Variants in PARD3 observed in about 807,000 individuals in gnomAD.
PARD3 encodes the protein par-3 family cell polarity regulator, also known as partitioning defective 3 homolog.
Under a neutral mutation model 155.4 loss-of-function variants are expected in PARD3, and 75 were observed. The ratio of observed to expected loss-of-function variants is 0.48; its 90% confidence interval spans 0.40 to 0.58. The LOEUF is 0.58. PARD3 is among the 20% of genes least tolerant of loss of function. PARD3 has a pLI of 0.00. For missense variants in PARD3, 1,642 were observed against 1,721.7 expected, an observed-to-expected ratio of 0.95 and a Z score of 0.82; for synonymous variants, 576 against 610.5, an observed-to-expected ratio of 0.94 and a Z score of 0.83.
intron 3 of PARD3, among the ~76,000 whole-genome samples, chr10:34,515,206 C>T (rs748836272): frequency 1.3e-5 from 2 of 152,172 alleles, no homozygotes; most frequent in Non-Finnish European, 1.5e-5. Context: ...TTTGTATACG[C>T]TGTATGGTAC....
At chr10:34,416,532 A>G (rs954515075) in intron 5 of PARD3, among the ~76,000 whole-genome samples, 3 of 152,198 alleles carry the variant, frequency 2.0e-5, no homozygotes, top group Admixed American at 2.0e-4. Context: ...TTAAGCACCT[A>G]TCAGGGCCAG....
Position 34,269,808 on chromosome 10 carries a change from C to T in PARD3, c.3268G>A (p.Asp1090Asn). Residue 1090 changes from aspartate to asparagine, a missense_variant, in exon 22 of 25, where the codon GAT becomes AAT. By Grantham distance (23) the Asp-to-Asn change is conservative. This residue lies in a region of PARD3 where 1,529 missense variants were observed against 1,587.3 expected (regional missense o/e 0.96). Coordinates refer to ENST00000374788, the MANE Select transcript of PARD3 (RefSeq NM_001184785.2). ...IQDFHRTFGC[D>N]DELMYGGVSS... ...ACTCCCCCATACATTAACTCATCAT[C>T]ACAGCCAAATGTCCGATGAAAATCT... The T allele has an allele frequency of 6.2e-7, 1 of 1,614,012 alleles. No individual in the cohort carries two copies. The highest frequency in any genetic ancestry group is 1.7e-5 in the Admixed American group (1 of 59,988).
At chr10:34,497,749 A>C (rs1564781187) in intron 3 of PARD3, among the ~76,000 whole-genome samples, 1 of 152,232 alleles carries the variant, frequency 6.6e-6, no homozygotes, top group Admixed American at 6.5e-5. Context: ...ATGAAATTTA[A>C]CAAGATGATC....
intron 3 of PARD3, among the ~76,000 whole-genome samples, chr10:34,516,108 GCAACC>G (rs2081737752): frequency 1.3e-5 from 2 of 152,114 alleles, no homozygotes; most frequent in South Asian, 2.1e-4. Flanking sequence ...GGGATTACAG[GCAACC>G]GCCACCACGC....
At chr10:34,484,517 T>TTTG (rs774789433) in intron 3 of PARD3, among the ~76,000 whole-genome samples, 4 of 152,264 alleles carry the variant, frequency 2.6e-5, no homozygotes, top group African/African-American at 7.2e-5. Flanking sequence ...TAACATAGTT[T>TTTG]TTGTTGTTGT....
intron 5 of PARD3, among the ~76,000 whole-genome samples, chr10:34,447,954 T>C (rs2076841635): frequency 6.6e-6 from 1 of 152,144 alleles, no homozygotes; most frequent in Non-Finnish European, 1.5e-5. Flanking sequence ...AAAATAGAAC[T>C]ACCATATGAT....
chr10:34,706,126 C>T (rs2094358514), intron 1 of PARD3, among the ~76,000 whole-genome samples: 1 of 151,970 alleles, frequency 6.6e-6, no homozygotes, highest in Admixed American at 6.5e-5. Flanking sequence ...AATGAGACAG[C>T]AGTAACCACC....
intron 3 of PARD3, among the ~76,000 whole-genome samples, chr10:34,509,795 AAAC>A (rs1397848602): frequency 6.7e-6 from 1 of 149,026 alleles, no homozygotes; most frequent in East Asian, 1.9e-4. Flanking sequence ...AAAAATGACA[AAAC>A]AACAAAAAAA....
At position 34,221,294 on chromosome 10, in the gene PARD3, C is replaced by T. The variant is rs184832269; in HGVS notation, c.3419+48363G>A. Among the ~76,000 whole-genome samples the T allele has an allele frequency of 2.4e-3, 362 of 152,168 alleles. 5 individuals are homozygous for T. The highest frequency in any genetic ancestry group is 2.9e-3 in the South Asian group (14 of 4,820). ...ATGGCCACCCTTGACACCCTATGAG[C>T]GCAAGCTTCCCATGGACCAGGGAAG... On this transcript the variant is annotated intron_variant, in intron 22 of 24. Transcript: ENST00000374788.
intron 3 of PARD3, among the ~76,000 whole-genome samples, chr10:34,499,654 T>A (rs578075200): frequency 2.2e-4 from 34 of 152,360 alleles, no homozygotes; most frequent in South Asian, 4.1e-4. Context: ...TAGTCTTTTA[T>A]CATGCTGCAT....
Position 34,312,231 on chromosome 10 carries a change from G to A in PARD3, c.3065+4876C>T, listed in dbSNP as rs953270735. ...ACTAAACCATCAAACTGCTGATGTC[G>A]TAAACAAAATTCGTCAACAGCCACT... On this transcript the variant is annotated intron_variant, in intron 20 of 24. Transcript: ENST00000374788. 46 of 1,558,842 alleles carry A rather than the reference G, an allele frequency of 3.0e-5. 1 individual carries two copies. Among genetic ancestry groups the A allele is most frequent in the Middle Eastern group, 1.7e-4 (1 of 5,838 alleles).
intron 2 of PARD3, among the ~76,000 whole-genome samples, chr10:34,687,600 G>A (rs2093972509): frequency 1.3e-5 from 2 of 152,002 alleles, no homozygotes; most frequent in African/African-American, 4.8e-5. Flanking sequence ...GATAGTGCAA[G>A]GCATCTCACA....
rs1208406517 is a variant in PARD3, at chr10:34,786,091, AACAG to A, written c.120+28781_120+28784del. Among the ~76,000 whole-genome samples, 27 of 152,350 alleles carry A rather than the reference AACAG, an allele frequency of 1.8e-4. 1 individual carries two copies. The highest frequency in any genetic ancestry group is 5.9e-4 in the Admixed American group (9 of 15,304). On this transcript the variant is annotated intron_variant, in intron 1 of 24. Transcript: ENST00000374788. ...AGCCAATAATCAGTGACGTAATGTCAACAGACAGAGGCAGACATACAAACGAAAT... is the reference window on the plus strand; with the variant it reads ...AGCCAATAATCAGTGACGTAATGTCAACAGAGGCAGACATACAAACGAAAT...
At chr10:34,608,186 GTTC>G (rs2090611733) in intron 2 of PARD3, among the ~76,000 whole-genome samples, 2 of 152,164 alleles carry the variant, frequency 1.3e-5, no homozygotes, top group African/African-American at 2.4e-5. Context: ...GGGGATTTCA[GTTC>G]TTCTGAATTC....
intron 2 of PARD3, among the ~76,000 whole-genome samples, chr10:34,541,823 C>T (rs905893242): frequency 5.3e-5 from 8 of 152,238 alleles, no homozygotes; most frequent in South Asian, 2.1e-4. Context: ...TGGTATGCCT[C>T]GCTGTAAGCA....
At chr10:34,522,030 C>A (rs1295512973) in intron 2 of PARD3, among the ~76,000 whole-genome samples, 10 of 152,138 alleles carry the variant, frequency 6.6e-5, no homozygotes, top group Non-Finnish European at 1.0e-4. Flanking sequence ...CCAAAGTTAT[C>A]CATGTCCAAA....
intron 1 of PARD3, among the ~76,000 whole-genome samples, chr10:34,784,366 T>C (rs1840676033): frequency 6.6e-6 from 1 of 152,062 alleles, no homozygotes; most frequent in African/African-American, 2.4e-5. Context: ...ATCTTTTACA[T>C]TCCCCAATGA....
intron 7 of PARD3, among the ~76,000 whole-genome samples, chr10:34,398,202 T>C (rs546041067): frequency 6.6e-6 from 1 of 152,310 alleles, no homozygotes; most frequent in African/African-American, 2.4e-5. Context: ...GAACATTGCA[T>C]GAACCATGAG....
At chr10:34,279,014 G>A (rs769899225) in intron 21 of PARD3, among the ~76,000 whole-genome samples, 1 of 151,818 alleles carries the variant, frequency 6.6e-6, no homozygotes, top group Non-Finnish European at 1.5e-5. Flanking sequence ...ATATATCTAG[G>A]ACAGCTCTCA....
Sources: allele counts gnomAD v4.1 joint callset (sites outside exome capture counted in the v4.1 genomes callset), GRCh38; gene constraint gnomAD v4.1.1; regional missense constraint gnomAD v4.1.1; transcripts MANE v1.5; gene names NCBI Gene and HGNC (gene_info 2026-07-23, HGNC 2026-07-21).